Variants in LTV1 observed in about 807,000 individuals in gnomAD.
LTV1 encodes the protein protein LTV1 homolog.
In LTV1, 39 loss-of-function variants were observed where a neutral mutation model predicts 59.9. The observed-to-expected ratio is 0.65, with a 90% CI of 0.50 to 0.85. LTV1 has a LOEUF of 0.85. LTV1 is among the 40% of genes least tolerant of loss of function. The pLI is 0.00. For synonymous variants in LTV1, 171 were observed against 189.5 expected (o/e 0.90, Z 0.80); for missense variants, 493 against 549.1 (o/e 0.90, Z 1.02).
chr6:143,850,032 G>T, intron 3 of LTV1, 99 bp from the exon 4 acceptor site: 3 of 859,548 alleles, frequency 3.5e-6, no homozygotes, highest in South Asian at 3.0e-5. Context: ...TCAGTCTAAG[G>T]TTCTGGATGG....
chr6:143,848,135 T>C (rs1187772014), intron 3 of LTV1, among the ~76,000 whole-genome samples: 2 of 152,194 alleles, frequency 1.3e-5, no homozygotes, highest in African/African-American at 4.8e-5. Context: ...TTGACTACTT[T>C]TCAAGATTTG....
rs763467020 is a variant in LTV1, at chr6:143,857,203, A to G, written c.398-100A>G. ...TTAATCGTTCTTTTATCCTCAATAT[A>G]TTAATAGACTCTTGCTATCATAGGT... On this transcript the variant is annotated intron_variant, in intron 4 of 10. Coordinates refer to ENST00000367576, the MANE Select transcript of LTV1 (RefSeq NM_032860.5). The surrounding 1 kb of genome is among the most constrained non-coding windows in gnomAD (Gnocchi z 5.2). 133 of 1,360,170 alleles carry G rather than the reference A, an allele frequency of 9.8e-5. No individual in the cohort carries two copies. The highest frequency in any genetic ancestry group is 1.3e-4 in the Non-Finnish European group (126 of 977,744). The allele number at this position is 1,360,170 out of a possible 1,614,324, so 84.3% of individuals were successfully genotyped here. A position where few individuals can be genotyped will look rare whatever the true frequency, so the allele number is the denominator to read the frequency against.
chr6:143,843,602 A>C, intron 1 of LTV1, 122 bp downstream of exon 1: 1 of 1,305,546 alleles, frequency 7.7e-7, no homozygotes, highest in Non-Finnish European at 1.1e-6. Flanking sequence ...TGCTTGCGGC[A>C]CGGTACCCCG....
At chr6:143,859,206 G>C (rs1172723936) in intron 6 of LTV1, among the ~76,000 whole-genome samples, 2 of 152,174 alleles carry the variant, frequency 1.3e-5, no homozygotes, top group Non-Finnish European at 2.9e-5. Flanking sequence ...ACTTTTGAAA[G>C]CTTGTATTTT....
At chr6:143,846,551 A>G (rs1776894283) in intron 3 of LTV1, among the ~76,000 whole-genome samples, 1 of 152,244 alleles carries the variant, frequency 6.6e-6, no homozygotes, top group Admixed American at 6.5e-5. Context: ...TTTCAGGATC[A>G]TAAACTCTTG....
Position 143,862,970 on chromosome 6 carries a change from C to T in LTV1, c.1116+74C>T. ...TAGAGTGCACATTTTCGCACAATAA[C>T]TTTTTATCTTTATGGCTAGAGTGAT... On this transcript the variant is annotated intron_variant, in intron 9 of 10. Coordinates refer to ENST00000367576, the MANE Select transcript of LTV1 (RefSeq NM_032860.5). This position sits in a 1 kb window ranked among gnomAD's most constrained non-coding sequence, Gnocchi z 4.2. The T allele has an allele frequency of 6.9e-7, 1 of 1,458,216 alleles. No homozygotes were observed. The highest frequency in any genetic ancestry group is 9.6e-7 in the Non-Finnish European group (1 of 1,039,712). The allele number at this position is 1,458,216 out of a possible 1,614,324, so 90.3% of individuals were successfully genotyped here. A position where few individuals can be genotyped will look rare whatever the true frequency, so the allele number is the denominator to read the frequency against.
chr6:143,855,009 T>G lies in LTV1; in HGVS notation c.398-2294T>G, dbSNP rs531193374. ...CAAGTCCTGAAGATCCTTGTGAATT[T>G]TCTGTCTCGTTGATCTGTCTAATAT... On this transcript the variant is annotated intron_variant, in intron 4 of 10. Transcript: ENST00000367576. The surrounding 1 kb of genome is among the most constrained non-coding windows in gnomAD (Gnocchi z 4.6). Among the ~76,000 whole-genome samples, 1 of 152,292 alleles carries G rather than the reference T, an allele frequency of 6.6e-6. No homozygotes were observed. Among genetic ancestry groups the G allele is most frequent in the East Asian group, 1.9e-4 (1 of 5,186 alleles).
At chr6:143,858,268 A>G (rs915592245) in intron 6 of LTV1, 10 of 378,454 alleles carry the variant, frequency 2.6e-5, no homozygotes, top group African/African-American at 1.2e-4. Context: ...GACTTTTCCA[A>G]TTTACATCAC....
In LTV1 at chr6:143,863,580, T is replaced by A. The variant is rs1397402819; in HGVS notation, c.*53T>A. 3 of 1,197,656 alleles carry A rather than the reference T, an allele frequency of 2.5e-6. No individual in the cohort carries two copies. 74.2% of individuals were successfully genotyped at this position (1,197,656 alleles called of 1,614,324 possible). A position where few individuals can be genotyped will look rare whatever the true frequency, so the allele number is the denominator to read the frequency against. On this transcript the variant is annotated 3_prime_UTR_variant, in exon 11 of 11. Coordinates refer to ENST00000367576, the MANE Select transcript of LTV1 (RefSeq NM_032860.5). The surrounding 1 kb of genome is among the most constrained non-coding windows in gnomAD (Gnocchi z 4.5). Reference sequence around the variant, plus strand: ...TTATTAGGGGCTCCTCATCTTTGGTTATTGACTAGAAACTTCAGAAAGACA... The same window carrying A: ...TTATTAGGGGCTCCTCATCTTTGGTAATTGACTAGAAACTTCAGAAAGACA...
At chr6:143,844,686 A>C in intron 2 of LTV1, 69 bp downstream of exon 2, 1 of 1,328,180 alleles carries the variant, frequency 7.5e-7, no homozygotes. Context: ...TTTTTTTTTT[A>C]AATAAATAGA....
chr6:143,846,019 T>C, intron 2 of LTV1, 32 bp from the exon 3 acceptor site: 5 of 1,603,676 alleles, frequency 3.1e-6, no homozygotes, highest in Non-Finnish European at 4.3e-6. Context: ...TTATAGATAG[T>C]GAAGAAAGTA....
Position 143,862,356 on chromosome 6 carries a change from G to A in LTV1, c.1063+113G>A, listed in dbSNP as rs539984081. ...TCCCAGCACTTTGGGAGGCCGAGGC[G>A]GGTGGGTCACCTGATGTCAGGAGTT... On this transcript the variant is annotated intron_variant, in intron 8 of 10. Coordinates refer to ENST00000367576, the MANE Select transcript of LTV1 (RefSeq NM_032860.5). This position sits in a 1 kb window ranked among gnomAD's most constrained non-coding sequence, Gnocchi z 4.2. The A allele has an allele frequency of 1.6e-5, 14 of 864,666 alleles. No individual in the cohort carries two copies. The highest frequency in any genetic ancestry group is 8.6e-5 in the East Asian group (3 of 34,740). The allele number at this position is 864,666 out of a possible 1,614,324, so 53.6% of individuals were successfully genotyped here.
chr6:143,850,425 G>A (rs1422697900), intron 4 of LTV1, among the ~76,000 whole-genome samples: 1 of 152,150 alleles, frequency 6.6e-6, no homozygotes, highest in Admixed American at 6.5e-5. Flanking sequence ...TTGAGTTCCT[G>A]TTTGGAGAGG....
chr6:143,847,507 A>G (rs1776913231), intron 3 of LTV1, among the ~76,000 whole-genome samples: 1 of 152,162 alleles, frequency 6.6e-6, no homozygotes, highest in Non-Finnish European at 1.5e-5. Flanking sequence ...GATTGCAGGC[A>G]TGTGGCACTG....
chr6:143,861,214 T>A (rs1456553206), intron 7 of LTV1, among the ~76,000 whole-genome samples: 4 of 152,216 alleles, frequency 2.6e-5, no homozygotes, highest in Middle Eastern at 3.4e-3. Flanking sequence ...AATTTTTTTT[T>A]AACTTTTATT....
At chr6:143,843,583 G>GC in intron 1 of LTV1, 103 bp downstream of exon 1, 1 of 1,449,950 alleles carries the variant, frequency 6.9e-7, no homozygotes, top group Non-Finnish European at 9.5e-7. Context: ...TCTGGGTCAT[G>GC]CCAGAGGCTG....
chr6:143,860,588 T>C (rs1174980281), intron 7 of LTV1, 35 bp downstream of exon 7: 1 of 1,536,660 alleles, frequency 6.5e-7, no homozygotes, highest in Non-Finnish European at 8.7e-7. Flanking sequence ...TTAGCTGTTC[T>C]TTTTTTTAAA....
Position 143,857,558 on chromosome 6 carries a change from G to C in LTV1, c.539+114G>C, listed in dbSNP as rs1049453372. ...AGACCTTCAAGAGCATTTAATCTGA[G>C]ACTTCTGTATTTTAGAGCAGAAAAT... On this transcript the variant is annotated intron_variant, in intron 5 of 10. Coordinates refer to ENST00000367576, the MANE Select transcript of LTV1 (RefSeq NM_032860.5). This position sits in a 1 kb window ranked among gnomAD's most constrained non-coding sequence, Gnocchi z 5.2. The C allele has an allele frequency of 3.1e-5, 35 of 1,140,888 alleles. No individual in the cohort carries two copies. Among genetic ancestry groups the C allele is most frequent in the Non-Finnish European group, 4.3e-5 (34 of 784,204 alleles). 70.7% of individuals were successfully genotyped at this position (1,140,888 alleles called of 1,614,324 possible). A position where few individuals can be genotyped will look rare whatever the true frequency, so the allele number is the denominator to read the frequency against.
chr6:143,848,565 C>G (rs1430808928), intron 3 of LTV1, among the ~76,000 whole-genome samples: 1 of 152,122 alleles, frequency 6.6e-6, no homozygotes, highest in Non-Finnish European at 1.5e-5. Flanking sequence ...GTGCCTCCTC[C>G]TGGGCTGAGG....
Sources: gnomAD v4.1 joint callset for allele counts (sites outside exome capture counted in the v4.1 genomes callset) on GRCh38, gnomAD v4.1.1 for gene constraint, Gnocchi (gnomAD v3.1) non-coding constraint, MANE v1.5 for transcripts, NCBI Gene and HGNC (gene_info 2026-07-23, HGNC 2026-07-21) for gene names.